MTREX: variants seen among roughly 807,000 people sequenced by gnomAD.
The protein encoded by MTREX is Mtr4 exosome RNA helicase.
Under a neutral mutation model 135.4 loss-of-function variants are expected in MTREX, and 76 were observed. That is an observed-to-expected ratio of 0.56 (90% CI 0.47 to 0.68). The LOEUF (loss-of-function observed/expected upper bound fraction) is 0.68, where lower values mean the gene tolerates loss of function less well. Ranked by LOEUF, MTREX falls within the 30% of genes least tolerant of loss-of-function variation. The probability of loss-of-function intolerance (pLI) is 0.00; values close to 1 mark genes in which losing one functional copy is unlikely to be tolerated. For missense variants in MTREX, 920 were observed against 1,262.1 expected (o/e 0.73, Z 4.11); for synonymous variants, 404 against 401.6 (o/e 1.01, Z -0.07).
intron 5 of MTREX, among the ~76,000 whole-genome samples, chr5:55,335,558 A>G (rs1402006303): frequency 6.6e-6 from 1 of 152,118 alleles, no homozygotes; most frequent in Admixed American, 6.6e-5. Context: ...TCAAAGTACT[A>G]TCTTTTCCCA....
intron 1 of MTREX, among the ~76,000 whole-genome samples, chr5:55,310,557 G>A (rs1039032309): frequency 2.0e-5 from 3 of 151,952 alleles, no homozygotes; most frequent in African/African-American, 4.8e-5. Flanking sequence ...GCAGTGAGCC[G>A]AGACTGTGCC....
chr5:55,400,042 C>T (rs1179651556), intron 20 of MTREX, among the ~76,000 whole-genome samples, 191 bp from the exon 21 acceptor site: 7 of 151,926 alleles, frequency 4.6e-5, no homozygotes, highest in Non-Finnish European at 1.0e-4. Context: ...CATAGTATAG[C>T]GTTGAAAAAG....
chr5:55,401,354 T>A (rs990771946), intron 21 of MTREX, among the ~76,000 whole-genome samples: 2 of 152,328 alleles, frequency 1.3e-5, no homozygotes, highest in Non-Finnish European at 2.9e-5. Context: ...TATATTTTGT[T>A]ATGTGGATAT....
At position 55,347,150 on chromosome 5, in the gene MTREX, A is replaced by G. The variant is rs772476959; in HGVS notation, c.1240+6A>G. Reference sequence around the variant, plus strand: ...CAAATTAGATTTCAACACAGGTACTACATCATTTCAGTATCATTTTAATGT... The same window carrying G: ...CAAATTAGATTTCAACACAGGTACTGCATCATTTCAGTATCATTTTAATGT... On this transcript the variant is annotated splice_donor_region_variant and intron_variant, in intron 11 of 26. Coordinates refer to ENST00000230640, the MANE Select transcript of MTREX (RefSeq NM_015360.5). 1 of 1,588,918 alleles carries G rather than the reference A, an allele frequency of 6.3e-7. No homozygotes were observed. Among genetic ancestry groups the G allele is most frequent in the Non-Finnish European group, 8.5e-7 (1 of 1,169,774 alleles).
chr5:55,344,866 A>G (rs1034605234), intron 9 of MTREX, among the ~76,000 whole-genome samples: 3 of 152,148 alleles, frequency 2.0e-5, no homozygotes, highest in African/African-American at 7.2e-5. Context: ...TACCTAGAGA[A>G]TAGGGGTTCT....
chr5:55,347,229 A>G, intron 11 of MTREX, 85 bp downstream of exon 11: 1 of 1,343,648 alleles, frequency 7.4e-7, no homozygotes, highest in East Asian at 2.5e-5. Context: ...TCTGTTACAT[A>G]TTACTAGGAT....
At chr5:55,375,909 A>T (rs1295544185) in intron 16 of MTREX, among the ~76,000 whole-genome samples, 2 of 152,164 alleles carry the variant, frequency 1.3e-5, no homozygotes, top group Non-Finnish European at 2.9e-5. Context: ...TTCCCGCAAC[A>T]TCTCTCCCTT....
rs1749796395 is a variant in MTREX at position 55,349,657 on chromosome 5, GT to G, written c.1320+9del. 6.7e-7 allele frequency: 1 copy of G among 1,483,702 alleles called. No individual in the cohort carries two copies. Among genetic ancestry groups the G allele is most frequent in the Non-Finnish European group, 9.4e-7 (1 of 1,062,944 alleles). The allele number at this position is 1,483,702 out of a possible 1,614,324, so 91.9% of individuals were successfully genotyped here. A position where few individuals can be genotyped will look rare whatever the true frequency, so the allele number is the denominator to read the frequency against. ...GAAGATAAAAAACTCCCTCAGGTGAGTTTTCAGTATCAGTAGATAAAAGTGT... is the reference window on the plus strand; with the variant it reads ...GAAGATAAAAAACTCCCTCAGGTGAGTTTCAGTATCAGTAGATAAAAGTGT... On this transcript the variant is annotated splice_donor_region_variant and intron_variant, in intron 12 of 26. Transcript: ENST00000230640.
chr5:55,358,602 T>G lies in MTREX; in HGVS notation c.1563T>G (p.Ser521=), dbSNP rs766517362. ...WISSGEYIQM[S]GRAGRRGMDD... ...CTTCTGGTGAATACATTCAGATGTC[T>G]GGTCGTGCTGGAAGGAGAGGAATGG... Residue 521 remains serine (S), a synonymous_variant, in exon 15 of 27, where the codon TCT becomes TCG. Transcript: ENST00000230640. The G allele has an allele frequency of 3.1e-6, 5 of 1,608,076 alleles. No homozygotes were observed. The highest frequency in any genetic ancestry group is 4.2e-6 in the Non-Finnish European group (5 of 1,178,184).
intron 15 of MTREX, among the ~76,000 whole-genome samples, chr5:55,363,254 T>G (rs1379109519): frequency 6.6e-6 from 1 of 152,228 alleles, no homozygotes; most frequent in Non-Finnish European, 1.5e-5. Context: ...TTTCCTCATC[T>G]TCCACGTTTA....
intron 14 of MTREX, among the ~76,000 whole-genome samples, chr5:55,357,945 G>A (rs1312044581): frequency 6.6e-6 from 1 of 152,148 alleles, no homozygotes; most frequent in Non-Finnish European, 1.5e-5. Flanking sequence ...TTTTCCAAAA[G>A]CATGAATTAT....
chr5:55,408,061 G>GC (rs1239042341), intron 22 of MTREX, among the ~76,000 whole-genome samples: 1 of 151,996 alleles, frequency 6.6e-6, no homozygotes, highest in African/African-American at 2.4e-5. Context: ...CCAGCACCCA[G>GC]CCCCTTTGTG....
At chr5:55,390,032 C>T (rs1750540706) in intron 19 of MTREX, among the ~76,000 whole-genome samples, 1 of 152,114 alleles carries the variant, frequency 6.6e-6, no homozygotes, top group Non-Finnish European at 1.5e-5. Context: ...CATAATCATC[C>T]TTGCCCTGTC....
At chr5:55,346,869 A>T in intron 10 of MTREX, 144 bp from the exon 11 acceptor site, 1 of 576,738 alleles carries the variant, frequency 1.7e-6, no homozygotes, top group East Asian at 3.6e-5. Flanking sequence ...TTTTGTTGTC[A>T]TATCTAAGAA....
chr5:55,308,174 T>C (rs753565286), intron 1 of MTREX, 27 bp downstream of exon 1: 2 of 1,551,506 alleles, frequency 1.3e-6, no homozygotes, highest in Non-Finnish European at 1.7e-6. Context: ...AGTTGTTGCT[T>C]TTATTTTTTT....
intron 25 of MTREX, among the ~76,000 whole-genome samples, chr5:55,417,030 A>G (rs1311890380): frequency 2.0e-5 from 3 of 152,196 alleles, no homozygotes; most frequent in Non-Finnish European, 4.4e-5. Flanking sequence ...CAGAATATTA[A>G]AAACTTAAAC....
At chr5:55,329,629 T>C (rs1374018652) in intron 5 of MTREX, among the ~76,000 whole-genome samples, 1 of 152,222 alleles carries the variant, frequency 6.6e-6, no homozygotes, top group Non-Finnish European at 1.5e-5. Flanking sequence ...AACTTTTGTA[T>C]GTCTGAAAAT....
At chr5:55,405,330 C>G in intron 21 of MTREX, 95 bp from the exon 22 acceptor site, 1 of 1,120,160 alleles carries the variant, frequency 8.9e-7, no homozygotes, top group South Asian at 1.6e-5. Context: ...GTAAGATGTT[C>G]TTTAAAAATA....
rs918424130 is a variant in MTREX at position 55,377,679 on chromosome 5, G to A, written c.1811-635G>A. On this transcript the variant is annotated intron_variant, in intron 16 of 26. Coordinates refer to ENST00000230640, the MANE Select transcript of MTREX (RefSeq NM_015360.5). ...GAGTTCCATATTAACAAAAAACCAG[G>A]GTGTGGCCTGTGATTTATTGGTTGG... 2.0e-5 allele frequency among the ~76,000 whole-genome samples: 3 copies of A among 151,968 alleles called. No individual in the cohort carries two copies. The South Asian group carries it at 6.2e-4, about 32-fold the overall frequency.
Sources: allele counts gnomAD v4.1 joint callset (sites outside exome capture counted in the v4.1 genomes callset), GRCh38; gene constraint gnomAD v4.1.1; transcripts MANE v1.5; gene names NCBI Gene and HGNC (gene_info 2026-07-23, HGNC 2026-07-21).